Variants in LRFN5 observed in about 807,000 individuals in gnomAD.
LRFN5 encodes the protein leucine rich repeat and fibronectin type III domain containing 5.
In LRFN5, 24 loss-of-function variants were observed where a neutral mutation model predicts 45.6. The ratio of observed to expected loss-of-function variants is 0.53; its 90% CI spans 0.38 to 0.74. The LOEUF (loss-of-function observed/expected upper bound fraction) is 0.74, where lower values mean the gene tolerates loss of function less well. Ranked by LOEUF, LRFN5 falls within the 30% of genes least tolerant of loss-of-function variation. The pLI is 0.00. For missense variants in LRFN5, 776 were observed against 861.5 expected (o/e 0.90, Z 1.24); for synonymous variants, 340 against 313.8 (o/e 1.08, Z -0.88).
chr14:41,749,773 G>T (rs1458963600), intron 1 of LRFN5, among the ~76,000 whole-genome samples: 2 of 152,092 alleles, frequency 1.3e-5, no homozygotes, highest in Non-Finnish European at 2.9e-5. Flanking sequence ...ATGTTTACCT[G>T]TGTAACAATC....
At chr14:41,696,454 G>C (rs1882613922) in intron 1 of LRFN5, among the ~76,000 whole-genome samples, 1 of 150,370 alleles carries the variant, frequency 6.7e-6, no homozygotes, top group Admixed American at 6.7e-5. Context: ...TATTCGTATA[G>C]AGCCAAATGA....
chr14:41,724,375 A>G (rs1278088934), intron 1 of LRFN5, among the ~76,000 whole-genome samples: 1 of 152,234 alleles, frequency 6.6e-6, no homozygotes, highest in African/African-American at 2.4e-5. Flanking sequence ...CATTTAGAGC[A>G]TAAGGTTTTT....
At chr14:41,878,150 A>G (rs751301714) in intron 2 of LRFN5, among the ~76,000 whole-genome samples, 16 of 152,310 alleles carry the variant, frequency 1.1e-4, no homozygotes, top group South Asian at 4.1e-4. Context: ...AAATAAAACT[A>G]TTAAAGGCAT....
chr14:41,711,653 A>G (rs1384132241), intron 1 of LRFN5, among the ~76,000 whole-genome samples: 1 of 152,208 alleles, frequency 6.6e-6, no homozygotes, highest in Admixed American at 6.5e-5. Context: ...GATAGCTTGC[A>G]GAAGCAATCA....
intron 1 of LRFN5, among the ~76,000 whole-genome samples, chr14:41,727,370 G>A (rs1229816423): frequency 6.6e-6 from 1 of 152,092 alleles, no homozygotes; most frequent in Non-Finnish European, 1.5e-5. Context: ...TTAGCAGGCA[G>A]AGGCAGGAGG....
intron 1 of LRFN5, among the ~76,000 whole-genome samples, chr14:41,707,723 G>A (rs1883123861): frequency 6.6e-6 from 1 of 151,902 alleles, no homozygotes; most frequent in Admixed American, 6.6e-5. Context: ...GCAACCCCCT[G>A]CTTGATGTTT....
chr14:41,671,367 C>T, intron 1 of LRFN5, among the ~76,000 whole-genome samples: 1 of 152,030 alleles, frequency 6.6e-6, no homozygotes, highest in East Asian at 1.9e-4. Context: ...TATTTTACCC[C>T]ATTCCTAACA....
chr14:41,887,453 A>G lies in LRFN5; in HGVS notation c.828A>G (p.Ser276=). 3 of 1,614,190 alleles carry G rather than the reference A, an allele frequency of 1.9e-6. No homozygotes were observed. Among genetic ancestry groups the G allele is most frequent in the Non-Finnish European group, 1.7e-6 (2 of 1,180,030 alleles). ...PPLLTGRYFW[S]IPEEEFLCEP... Reference sequence around the variant, plus strand: ...TTTTAACTGGCCGCTACTTTTGGTCAATTCCTGAAGAAGAGTTTTTGTGTG... The same window carrying G: ...TTTTAACTGGCCGCTACTTTTGGTCGATTCCTGAAGAAGAGTTTTTGTGTG... Residue 276 remains serine (S), a synonymous_variant, in exon 3 of 6, where the codon TCA becomes TCG. Transcript: ENST00000298119. The surrounding 1 kb of genome is among the most constrained non-coding windows in gnomAD (Gnocchi z 4.8).
At chr14:41,747,193 A>G (rs990657788) in intron 1 of LRFN5, among the ~76,000 whole-genome samples, 9 of 151,986 alleles carry the variant, frequency 5.9e-5, no homozygotes, top group Non-Finnish European at 2.9e-5. Flanking sequence ...TAAAAATTCT[A>G]AAACACATAC....
Position 41,658,097 on chromosome 14 carries a change from T to G in LRFN5, c.-197+49535T>G, listed in dbSNP as rs1015327122. ...TAAATCTTATAGCTAAAATATGATT[T>G]TTTTGAAGGTCACATGCTGATAGGG... On this transcript the variant is annotated intron_variant, in intron 1 of 5. Transcript: ENST00000298119. 2.6e-5 allele frequency among the ~76,000 whole-genome samples: 4 copies of G among 152,132 alleles called. No individual in the cohort carries two copies. In the East Asian group the frequency reaches 7.7e-4, roughly 29 times the overall value.
chr14:41,799,513 T>C (rs1234245446), intron 2 of LRFN5, among the ~76,000 whole-genome samples: 5 of 152,002 alleles, frequency 3.3e-5, no homozygotes, highest in Non-Finnish European at 5.9e-5. Context: ...TCTGAAACAT[T>C]GCTTGCCTCC....
intron 1 of LRFN5, among the ~76,000 whole-genome samples, chr14:41,644,586 T>TTG (rs138068207): frequency 1.0e-3 from 151 of 151,436 alleles, no homozygotes; most frequent in Non-Finnish European, 1.5e-3. Flanking sequence ...AGTGTGTGTT[T>TTG]TGTGTGTGTG....
chr14:41,774,537 T>G (rs1305290387), intron 2 of LRFN5, among the ~76,000 whole-genome samples: 1 of 152,176 alleles, frequency 6.6e-6, no homozygotes, highest in Non-Finnish European at 1.5e-5. Context: ...ACTAATGATT[T>G]GTAATATGAA....
intron 1 of LRFN5, chr14:41,699,568 T>G (rs1166650870): frequency 2.6e-5 from 4 of 152,104 alleles, no homozygotes; most frequent in African/African-American, 9.7e-5. Flanking sequence ...ACTTACGAGC[T>G]TAGGAACTTA....
At chr14:41,826,046 T>C (rs907518586) in intron 2 of LRFN5, among the ~76,000 whole-genome samples, 3 of 152,206 alleles carry the variant, frequency 2.0e-5, no homozygotes, top group Non-Finnish European at 2.9e-5. Flanking sequence ...TTAGTTCAAG[T>C]TGTGATGTTC....
chr14:41,873,423 G>C (rs1404157532), intron 2 of LRFN5, among the ~76,000 whole-genome samples: 61 of 32,548 alleles, frequency 1.9e-3, no homozygotes, highest in Admixed American at 5.1e-3. Flanking sequence ...GAGAGACAGA[G>C]AGAGAGAGAG....
At chr14:41,655,141 A>T (rs1199635229) in intron 1 of LRFN5, among the ~76,000 whole-genome samples, 1 of 152,026 alleles carries the variant, frequency 6.6e-6, no homozygotes, top group Admixed American at 6.6e-5. Flanking sequence ...GTACAAGACA[A>T]ACTGTCTATG....
intron 1 of LRFN5, among the ~76,000 whole-genome samples, chr14:41,648,599 C>T (rs984910637): frequency 6.6e-6 from 1 of 152,012 alleles, no homozygotes; most frequent in Admixed American, 6.6e-5. Context: ...ATTAATAAAA[C>T]TGTAAGTATT....
intron 5 of LRFN5, among the ~76,000 whole-genome samples, chr14:41,903,760 T>G (rs2274071): frequency 6.6e-6 from 1 of 152,134 alleles, no homozygotes; most frequent in East Asian, 1.9e-4. Flanking sequence ...TCTAGCAGAA[T>G]TTTTAAAATT....
Sources: allele counts gnomAD v4.1 joint callset (sites outside exome capture counted in the v4.1 genomes callset), GRCh38; gene constraint gnomAD v4.1.1; non-coding constraint Gnocchi (gnomAD v3.1); transcripts MANE v1.5; gene names NCBI Gene and HGNC (gene_info 2026-07-23, HGNC 2026-07-21).